NOTCH2: variants seen among roughly 807,000 people sequenced by gnomAD.
NOTCH2 encodes notch receptor 2, also known as neurogenic locus notch homolog protein 2.
NOTCH2 carries 29 observed loss-of-function variants against 235.8 expected under a neutral mutation model. That is an observed-to-expected ratio of 0.12 (90% confidence interval 0.09 to 0.17). NOTCH2 has a LOEUF of 0.17. Among genes scored for constraint, NOTCH2 ranks in the 10% least tolerant of loss-of-function variants. The pLI is 1.00. For missense variants in NOTCH2, 2,285 were observed against 3,150.2 expected (o/e 0.73, Z 6.57); for synonymous variants, 1,086 against 1,141.5 (o/e 0.95, Z 0.98).
chr1:119,968,390 G>C (rs150577331), intron 6 of NOTCH2, among the ~76,000 whole-genome samples, 158 bp from the exon 7 acceptor site: 1 of 152,076 alleles, frequency 6.6e-6, no homozygotes, highest in Admixed American at 6.5e-5. Flanking sequence ...CCTACCTTGG[G>C]GACATGCTTG....
intron 2 of NOTCH2, among the ~76,000 whole-genome samples, chr1:120,011,330 A>G (rs1434066447): frequency 1.3e-5 from 2 of 152,036 alleles, no homozygotes; most frequent in Non-Finnish European, 2.9e-5. Flanking sequence ...GGTTATCTCT[A>G]CCCTCTAGAA....
rs751817253 is a variant in NOTCH2, at chr1:119,923,715, C to T, written c.4781G>A (p.Gly1594Asp). 3.1e-6 allele frequency: 5 copies of T among 1,614,206 alleles called. No individual in the cohort carries two copies. The highest frequency in any genetic ancestry group is 4.2e-6 in the Non-Finnish European group (5 of 1,180,038). ...TTTCTTCATAGCAGCTGACTTCTCACCATAATAGGGGTACACCATGAGTTC... is the reference window on the plus strand; with the variant it reads ...TTTCTTCATAGCAGCTGACTTCTCATCATAATAGGGGTACACCATGAGTTC... The part of the protein sequence containing the change: ...QGELMVYPYY[G>D]EKSAAMKKQR... Residue 1594 changes from glycine to aspartate, a missense_variant, in exon 26 of 34, where the codon GGT becomes GAT. Coordinates refer to ENST00000256646, the MANE Select transcript of NOTCH2 (RefSeq NM_024408.4).
rs1470443129 is a variant in NOTCH2, at chr1:119,948,923, G to T, written c.2599+84C>A. On this transcript the variant is annotated intron_variant, in intron 16 of 33. Transcript: ENST00000256646. ...TGGACAGGCCTCATAAGACCAGCAG[G>T]GCCTTCCATATGATCTGATAACCTG... 35 of 1,540,410 alleles carry T rather than the reference G, an allele frequency of 2.3e-5. No homozygotes were observed. The East Asian group carries it at 7.2e-4, about 32-fold the overall frequency.
intron 14 of NOTCH2, 64 bp from the exon 15 acceptor site, chr1:119,950,901 C>A: frequency 9.6e-7 from 1 of 1,041,242 alleles, no homozygotes; most frequent in South Asian, 1.3e-5. Flanking sequence ...AATTTCTAAC[C>A]AATTCTCTTT....
At chr1:119,947,772 A>G (rs1281082243) in intron 17 of NOTCH2, among the ~76,000 whole-genome samples, 2 of 152,250 alleles carry the variant, frequency 1.3e-5, no homozygotes, top group East Asian at 3.8e-4. Flanking sequence ...ATGAACTGTA[A>G]TATGTCCATA....
chr1:119,986,876 T>G, intron 5 of NOTCH2, 84 bp downstream of exon 5: 1 of 1,579,744 alleles, frequency 6.3e-7, no homozygotes, highest in East Asian at 2.2e-5. Context: ...CCTAAGATAT[T>G]TGTTACTGAT....
At chr1:119,924,276 T>C (rs1649389124) in intron 25 of NOTCH2, among the ~76,000 whole-genome samples, 1 of 152,210 alleles carries the variant, frequency 6.6e-6, no homozygotes, top group South Asian at 2.1e-4. Flanking sequence ...CAAAGCTGCA[T>C]ATCTGAAACA....
intron 22 of NOTCH2, chr1:119,935,053 C>G: frequency 1.1e-6 from 1 of 948,716 alleles, no homozygotes; most frequent in Non-Finnish European, 1.3e-6. Flanking sequence ...ATTTTCATTT[C>G]ATTCATTCCC....
At chr1:119,950,533 C>G (rs782571152) in intron 15 of NOTCH2, 191 bp downstream of exon 15, 1 of 697,426 alleles carries the variant, frequency 1.4e-6, no homozygotes, top group African/African-American at 1.8e-5. Flanking sequence ...GACTGTCCAC[C>G]ACTTGCATCT....
In NOTCH2 at chr1:119,912,116, C is replaced by T. The variant is rs1488353819; in HGVS notation, c.*3190G>A. The T allele has an allele frequency of 8.6e-6, 2 of 233,462 alleles. No individual in the cohort carries two copies. The highest frequency in any genetic ancestry group is 1.8e-4 in the South Asian group (1 of 5,532). The allele number at this position is 233,462 out of a possible 1,614,324, so 14.5% of individuals were successfully genotyped here. A position where few individuals can be genotyped will look rare whatever the true frequency, so the allele number is the denominator to read the frequency against. On this transcript the variant is annotated 3_prime_UTR_variant, in exon 34 of 34. Coordinates refer to ENST00000256646, the MANE Select transcript of NOTCH2 (RefSeq NM_024408.4). ...TGCTTTCATATAAATTTCATCTTAA[C>T]TACCTTTAGAATGAAACGGAAAAGT... is the stretch of plus-strand genomic sequence containing the variant.
chr1:119,929,697 A>C (rs1265180535), intron 22 of NOTCH2, among the ~76,000 whole-genome samples: 2 of 152,270 alleles, frequency 1.3e-5, no homozygotes, highest in East Asian at 3.8e-4. Flanking sequence ...CCTGTTGCCT[A>C]GTAACATCAT....
At chr1:120,038,012 C>A (rs1553212170) in intron 1 of NOTCH2, among the ~76,000 whole-genome samples, 1 of 151,870 alleles carries the variant, frequency 6.6e-6, no homozygotes, top group African/African-American at 2.4e-5. Context: ...TTAAAAATTC[C>A]AATTTTGTTC....
At chr1:119,945,098 G>A (rs1650206692) in intron 17 of NOTCH2, among the ~76,000 whole-genome samples, 1 of 152,108 alleles carries the variant, frequency 6.6e-6, no homozygotes, top group African/African-American at 2.4e-5. Context: ...GAATGTAAAT[G>A]TGAGTGTACA....
intron 1 of NOTCH2, among the ~76,000 whole-genome samples, chr1:120,048,317 A>G (rs1654880504): frequency 7.3e-6 from 1 of 137,716 alleles, no homozygotes; most frequent in Non-Finnish European, 1.5e-5. Context: ...TTTTCCCCCA[A>G]AGTGCTGTTG....
intron 15 of NOTCH2, among the ~76,000 whole-genome samples, chr1:119,949,557 T>C (rs1245858007): frequency 6.6e-6 from 1 of 152,020 alleles, no homozygotes; most frequent in Non-Finnish European, 1.5e-5. Context: ...CGGCTAATTT[T>C]TTATATTTTT....
intron 2 of NOTCH2, among the ~76,000 whole-genome samples, chr1:120,025,015 T>A (rs1553209668): frequency 6.6e-6 from 1 of 151,614 alleles, no homozygotes; most frequent in African/African-American, 2.4e-5. Flanking sequence ...TTTTTTTTTT[T>A]ATCGTGAAGG....
intron 4 of NOTCH2, chr1:119,996,781 T>C: frequency 1.2e-6 from 1 of 840,818 alleles, no homozygotes; most frequent in Non-Finnish European, 2.1e-6. Context: ...TTCTAGCCAC[T>C]CATCATCATA....
At chr1:119,995,845 AT>A (rs1180552684) in intron 4 of NOTCH2, 2 of 152,364 alleles carry the variant, frequency 1.3e-5, no homozygotes, top group East Asian at 3.9e-4. Flanking sequence ...ACCAAATGAA[AT>A]GAATAAATTA....
At chr1:119,921,648 G>T in intron 29 of NOTCH2, 65 bp downstream of exon 29, 1 of 1,355,862 alleles carries the variant, frequency 7.4e-7, no homozygotes, top group Non-Finnish European at 1.1e-6. Context: ...TGGAGCTAAA[G>T]GACAGAAATT....
Sources: gnomAD v4.1 joint callset for allele counts (sites outside exome capture counted in the v4.1 genomes callset) on GRCh38, gnomAD v4.1.1 for gene constraint, MANE v1.5 for transcripts, NCBI Gene and HGNC (gene_info 2026-07-23, HGNC 2026-07-21) for gene names.